Variants in ATXN2L observed in about 807,000 individuals in gnomAD.
The protein encoded by ATXN2L is ataxin-2-like protein.
ATXN2L carries 24 observed loss-of-function variants against 120.7 expected under a neutral mutation model. That is an observed-to-expected ratio of 0.20 (90% confidence interval 0.14 to 0.28). The LOEUF is 0.28. Ranked by LOEUF, ATXN2L falls within the 10% of genes least tolerant of loss-of-function variation. The pLI is 1.00. For synonymous variants in ATXN2L, 653 were observed against 568.1 expected, an observed-to-expected ratio of 1.15 and a Z score of -2.13; for missense variants, 1,312 against 1,432.3, an observed-to-expected ratio of 0.92 and a Z score of 1.36.
In ATXN2L at chr16:28,829,867, A is replaced by G. The variant is rs1596910523; in HGVS notation, c.843A>G (p.Leu281=). Residue 281 remains leucine, a synonymous_variant, in exon 8 of 22, where the codon TTA becomes TTG. Transcript: ENST00000336783. ...DSSLSSYTVP[L]EKDNSEEFRQ... is the part of the protein sequence containing the mutation. ...GTGGGTGCTGTCTCAGGGTGCCCTTAGAAAAGGACAACTCAGAAGAGTTTC... is the reference window on the plus strand; with the variant it reads ...GTGGGTGCTGTCTCAGGGTGCCCTTGGAAAAGGACAACTCAGAAGAGTTTC... 1 of 1,614,168 alleles carries G rather than the reference A, an allele frequency of 6.2e-7. No homozygotes were observed. Among genetic ancestry groups the G allele is most frequent in the African/African-American group, 1.3e-5 (1 of 75,026 alleles).
Position 28,823,206 on chromosome 16 carries a change from C to T in ATXN2L, c.-54C>T. ...CGCGCTCTCCAGCGGGGCCCCAGCCCCGGCCCCCTCTCTCCCTCCCTTCTC... is the reference window on the plus strand; with the variant it reads ...CGCGCTCTCCAGCGGGGCCCCAGCCTCGGCCCCCTCTCTCCCTCCCTTCTC... On this transcript the variant is annotated 5_prime_UTR_variant, in exon 1 of 22. Coordinates refer to ENST00000336783, the MANE Select transcript of ATXN2L (RefSeq NM_007245.4). The T allele has an allele frequency of 8.1e-7, 1 of 1,231,998 alleles. No homozygotes were observed. Among genetic ancestry groups the T allele is most frequent in the African/African-American group, 1.6e-5 (1 of 63,120 alleles). 76.3% of individuals were successfully genotyped at this position (1,231,998 alleles called of 1,614,324 possible).
chr16:28,825,422 CTGTT>C lies in ATXN2L; in HGVS notation c.336+22_336+25del, dbSNP rs2051502278. The C allele has an allele frequency of 6.2e-7, 1 of 1,612,520 alleles. No homozygotes were observed. The highest frequency in any genetic ancestry group is 8.5e-7 in the Non-Finnish European group (1 of 1,178,878). Reference sequence around the variant, plus strand: ...TCACCTGTGAGTGTCTTCTCCCACCCTGTTTAAGATACATAGACCTAAAAGATGC... The same window carrying C: ...TCACCTGTGAGTGTCTTCTCCCACCCTAAGATACATAGACCTAAAAGATGC... On this transcript the variant is annotated intron_variant, in intron 2 of 21. Coordinates refer to ENST00000336783, the MANE Select transcript of ATXN2L (RefSeq NM_007245.4).
At chr16:28,826,783 G>GGAGA in intron 5 of ATXN2L, 79 bp from the exon 6 acceptor site, 2 of 1,448,412 alleles carry the variant, frequency 1.4e-6, no homozygotes, top group Non-Finnish European at 1.8e-6. Flanking sequence ...AACTACTTAC[G>GGAGA]GAGAGTGGGG....
intron 6 of ATXN2L, 40 bp downstream of exon 6, chr16:28,827,026 CAG>C (rs199899114): frequency 0.018 from 25,553 of 1,395,652 alleles, 297 homozygotes; most frequent in Non-Finnish European, 0.019. Context: ...GCTGGACAGA[CAG>C]AATGGGTTGT....
chr16:28,832,585 T>G lies in ATXN2L; in HGVS notation c.1588+18T>G. 1 of 1,611,930 alleles carries G rather than the reference T, an allele frequency of 6.2e-7. No individual in the cohort carries two copies. Among genetic ancestry groups the G allele is most frequent in the Middle Eastern group, 1.7e-4 (1 of 6,050 alleles). Reference sequence around the variant, plus strand: ...TGGGAAAGGTGAGGGTGGTTTTTTTTCTGCTGAGGATTAATGCTCCTTTGT... The same window carrying G: ...TGGGAAAGGTGAGGGTGGTTTTTTTGCTGCTGAGGATTAATGCTCCTTTGT... On this transcript the variant is annotated intron_variant, in intron 12 of 21. Coordinates refer to ENST00000336783, the MANE Select transcript of ATXN2L (RefSeq NM_007245.4).
At position 28,823,424 on chromosome 16, in the gene ATXN2L, C is replaced by T; in HGVS notation, c.165C>T (p.Ala55=). Residue 55 remains alanine, a synonymous_variant, in exon 1 of 22, where the codon GCC becomes GCT. Transcript: ENST00000336783. ...SAAPPGPPAA[A]SPCLGPVAAA... ...CTCCTCCCGGGCCTCCAGCGGCCGC[C>T]TCCCCCTGCCTGGGGCCTGTGGCCG... 7.7e-7 allele frequency: 1 copy of T among 1,300,652 alleles called. No homozygotes were observed. Among genetic ancestry groups the T allele is most frequent in the South Asian group, 2.3e-5 (1 of 43,468 alleles). 80.6% of individuals were successfully genotyped at this position (1,300,652 alleles called of 1,614,324 possible).
At chr16:28,823,998 C>T (rs1277467903) in intron 1 of ATXN2L, 2 of 659,516 alleles carry the variant, frequency 3.0e-6, no homozygotes, top group Non-Finnish European at 3.8e-6. Flanking sequence ...CACAGTTTGG[C>T]CAATGGGGAG....
intron 1 of ATXN2L, chr16:28,824,707 T>C: frequency 1.5e-6 from 1 of 667,156 alleles, no homozygotes; most frequent in Non-Finnish European, 2.1e-6. Flanking sequence ...CTCCTGGAGC[T>C]TTTGCCCTCA....
intron 5 of ATXN2L, chr16:28,826,661 T>A: frequency 1.5e-6 from 1 of 674,206 alleles, no homozygotes; most frequent in East Asian, 2.9e-5. Flanking sequence ...CTTTTTTCTT[T>A]GGAATCATAG....
In ATXN2L at chr16:28,830,605, CTT is replaced by C. The variant is rs745913571; in HGVS notation, c.1035-8_1035-7del. The C allele has an allele frequency of 1.9e-6, 3 of 1,551,382 alleles. No homozygotes were observed. The highest frequency in any genetic ancestry group is 2.4e-5 in the South Asian group (2 of 83,524). ...GTGGCTACCTGGCCTTATTTGAACT[CTT>C]TCCTCAGGGAGGGGAAGTATATCCC... On this transcript the variant is annotated splice_region_variant and splice_polypyrimidine_tract_variant and intron_variant, in intron 8 of 21. Coordinates refer to ENST00000336783, the MANE Select transcript of ATXN2L (RefSeq NM_007245.4).
rs779080508 is a variant in ATXN2L, at chr16:28,830,699, G to T, written c.1119G>T (p.Arg373=). ...GVRCSSSRGG[R]PGLSSLPPRG... The stretch of plus-strand genomic sequence containing the variant: ...GATGCAGCAGCTCTCGGGGCGGTCG[G>T]CCTGGCCTTAGCTCTTTGCCACCTC... Residue 373 remains arginine (R), a synonymous_variant, in exon 9 of 22, where the codon CGG becomes CGT. Transcript: ENST00000336783. 1.9e-6 allele frequency: 3 copies of T among 1,613,736 alleles called. No individual in the cohort carries two copies. In the African/African-American group the frequency reaches 4.0e-5, roughly 22 times the overall value.
rs201799408 is a variant in ATXN2L at position 28,828,735 on chromosome 16, GTTTGTT to G, written c.742-644_742-639del. ...TGTTGCCCGGGTTTTTGTTGTAGTTGTTTGTTTTTGTTTTTGTTTTTGTTTTTTTTG... is the reference window on the plus strand; with the variant it reads ...TGTTGCCCGGGTTTTTGTTGTAGTTGTTTGTTTTTGTTTTTGTTTTTTTTG... On this transcript the variant is annotated intron_variant, in intron 6 of 21. Transcript: ENST00000336783. Among the ~76,000 whole-genome samples the G allele has an allele frequency of 5.6e-3, 853 of 151,900 alleles. 8 individuals are homozygous for G. Among genetic ancestry groups the G allele is most frequent in the African/African-American group, 0.018 (730 of 41,442 alleles).
intron 15 of ATXN2L, 64 bp from the exon 16 acceptor site, chr16:28,834,001 T>C: frequency 1.3e-6 from 2 of 1,557,052 alleles, no homozygotes; most frequent in Non-Finnish European, 1.8e-6. Context: ...TTATTACCAC[T>C]CTAGGCATGG....
At position 28,829,959 on chromosome 16, in the gene ATXN2L, G is replaced by A. The variant is rs1306902599; in HGVS notation, c.935G>A (p.Arg312Gln). 3.7e-6 allele frequency: 6 copies of A among 1,614,202 alleles called. No individual in the cohort carries two copies. The highest frequency in any genetic ancestry group is 2.2e-5 in the East Asian group (1 of 44,886). Residue 312 changes from arginine (R) to glutamine (Q), a missense_variant, in exon 8 of 22, where the codon CGG becomes CAG. Coordinates refer to ENST00000336783, the MANE Select transcript of ATXN2L (RefSeq NM_007245.4). ...EIESSPQYRLRIAMENDDGRT... is the reference protein window; with the variant it reads ...EIESSPQYRLQIAMENDDGRT... ...GAATCAAGCCCCCAGTACCGCCTAC[G>A]GATCGCCATGGAGAACGACGATGGG...
chr16:28,833,936 C>T (rs1267235995), intron 15 of ATXN2L, 129 bp from the exon 16 acceptor site: 4 of 1,094,884 alleles, frequency 3.7e-6, no homozygotes, highest in East Asian at 2.5e-5. Context: ...TAATGTGAGG[C>T]TTTATCAAGA....
At chr16:28,823,656 C>A in intron 1 of ATXN2L, 98 bp downstream of exon 1, 1 of 1,167,748 alleles carries the variant, frequency 8.6e-7, no homozygotes, top group Non-Finnish European at 1.1e-6. Flanking sequence ...GTCAGGGGCA[C>A]CGGCTGGGTG....
At position 28,836,753 on chromosome 16, in the gene ATXN2L, C is replaced by A; in HGVS notation, c.*488C>A. 6.2e-7 allele frequency: 1 copy of A among 1,614,038 alleles called. No homozygotes were observed. Among genetic ancestry groups the A allele is most frequent in the Non-Finnish European group, 8.5e-7 (1 of 1,179,978 alleles). On this transcript the variant is annotated 3_prime_UTR_variant, in exon 22 of 22. Transcript: ENST00000336783. The stretch of plus-strand genomic sequence containing the variant: ...TTCAATCTCATCCCTCCCAGCAGCT[C>A]CCCTTCCACCCCCCGGGGAACTGAA...
At position 28,834,374 on chromosome 16, in the gene ATXN2L, A is replaced by G. The variant is rs1259444634; in HGVS notation, c.2204A>G (p.Asn735Ser). 1.2e-6 allele frequency: 2 copies of G among 1,614,040 alleles called. No individual in the cohort carries two copies. Among genetic ancestry groups the G allele is most frequent in the Non-Finnish European group, 1.7e-6 (2 of 1,179,930 alleles). Residue 735 changes from asparagine to serine, a missense_variant, in exon 17 of 22, where the codon AAT becomes AGT. Coordinates refer to ENST00000336783, the MANE Select transcript of ATXN2L (RefSeq NM_007245.4). ...CAGATGTATCCATATCCTGTATCCA[A>G]TTCAGTGCCTGGGCAGCAGGGCAAG... ...APQMYPYPVS[N>S]SVPGQQGKYR...
In ATXN2L at chr16:28,829,603, G is replaced by T. The variant is rs1010632020; in HGVS notation, c.833+111G>T. On this transcript the variant is annotated intron_variant, in intron 7 of 21. Transcript: ENST00000336783. The stretch of plus-strand genomic sequence containing the variant: ...TGCTCATTTTTCTCTGGGTGTCCAG[G>T]GTCGCCATCCCTACTCCTACTCTGC... 1.7e-5 allele frequency: 15 copies of T among 890,192 alleles called. No homozygotes were observed. The East Asian group carries it at 2.4e-4, about 14-fold the overall frequency. The allele number at this position is 890,192 out of a possible 1,614,324, so 55.1% of individuals were successfully genotyped here.
Sources: allele counts gnomAD v4.1 joint callset (sites outside exome capture counted in the v4.1 genomes callset), GRCh38; gene constraint gnomAD v4.1.1; transcripts MANE v1.5; gene names NCBI Gene and HGNC (gene_info 2026-07-23, HGNC 2026-07-21).